UNC13B: variants seen among roughly 807,000 people sequenced by gnomAD.
The protein encoded by UNC13B is protein unc-13 homolog B.
A neutral mutation model predicts 211.0 loss-of-function variants in UNC13B; 144 were observed. That is an observed-to-expected ratio of 0.68 (90% CI 0.60 to 0.78). The LOEUF (loss-of-function observed/expected upper bound fraction) is 0.78, where lower values mean the gene tolerates loss of function less well. Among genes scored for constraint, UNC13B ranks in the 30% least tolerant of loss-of-function variants. UNC13B has a pLI of 0.00. For missense variants in UNC13B, 1,777 were observed against 2,002.0 expected (o/e 0.89, Z 2.14); for synonymous variants, 709 against 725.8 (o/e 0.98, Z 0.37).
chr9:35,384,746 A>T (rs1271630467), intron 22 of UNC13B: 2 of 982,726 alleles, frequency 2.0e-6, no homozygotes, highest in African/African-American at 3.5e-5. Flanking sequence ...GGCTTTTGCA[A>T]GTAATCTGTA....
intron 10 of UNC13B, among the ~76,000 whole-genome samples, chr9:35,312,917 T>G (rs1830251518): frequency 6.6e-6 from 1 of 152,158 alleles, no homozygotes; most frequent in African/African-American, 2.4e-5. Flanking sequence ...GGCTGTGTGT[T>G]TTTTTTCTTT....
intron 11 of UNC13B, chr9:35,342,323 T>C: frequency 2.0e-6 from 2 of 985,760 alleles, no homozygotes; most frequent in Non-Finnish European, 2.4e-6. Flanking sequence ...TCCTTAACCC[T>C]TATTTTGGTT....
rs898763755 is a variant in UNC13B, at chr9:35,180,076, T to C, written c.22+17771T>C. ...AACTCTATTCCAACTGAGGTTTATTTATTTAGAAAACATTTAGAAAGATAC... is the reference window on the plus strand; with the variant it reads ...AACTCTATTCCAACTGAGGTTTATTCATTTAGAAAACATTTAGAAAGATAC... On this transcript the variant is annotated intron_variant, in intron 1 of 39. Coordinates refer to ENST00000635942, the MANE Select transcript of UNC13B (RefSeq NM_001371189.2). 3.3e-5 allele frequency among the ~76,000 whole-genome samples: 5 copies of C among 152,340 alleles called. No individual in the cohort carries two copies. The South Asian group carries it at 1.0e-3, about 32-fold the overall frequency.
intron 9 of UNC13B, among the ~76,000 whole-genome samples, chr9:35,309,886 A>G (rs1830102436): frequency 6.6e-6 from 1 of 152,186 alleles, no homozygotes; most frequent in Non-Finnish European, 1.5e-5. Flanking sequence ...CCTGGCCTCT[A>G]TCTTCCAATG....
intron 11 of UNC13B, among the ~76,000 whole-genome samples, chr9:35,315,144 G>T (rs1830388363): frequency 1.4e-5 from 2 of 144,560 alleles, no homozygotes; most frequent in Non-Finnish European, 3.0e-5. Flanking sequence ...CTCCCACTTT[G>T]GCCTTCCAAA....
intron 23 of UNC13B, 112 bp from the exon 24 acceptor site, chr9:35,386,053 A>C: frequency 6.6e-7 from 1 of 1,522,018 alleles, no homozygotes; most frequent in South Asian, 1.3e-5. Flanking sequence ...GGAAAAGTCT[A>C]GGGACCCAGA....
At chr9:35,235,329 G>C (rs887029609) in intron 3 of UNC13B, among the ~76,000 whole-genome samples, 2 of 152,136 alleles carry the variant, frequency 1.3e-5, no homozygotes, top group Admixed American at 1.3e-4. Flanking sequence ...GGACTGAGTG[G>C]TGTGAACTAG....
chr9:35,224,481 T>A (rs1184869997), intron 1 of UNC13B, among the ~76,000 whole-genome samples: 1 of 152,222 alleles, frequency 6.6e-6, no homozygotes, highest in Non-Finnish European at 1.5e-5. Context: ...GATTTTGTAT[T>A]ATGCAACTTT....
chr9:35,236,303 T>C (rs1456846348), intron 3 of UNC13B, among the ~76,000 whole-genome samples, 166 bp from the exon 4 acceptor site: 2 of 152,232 alleles, frequency 1.3e-5, no homozygotes, highest in Non-Finnish European at 2.9e-5. Flanking sequence ...ATACCTATTA[T>C]AGGTTTCTTG....
At chr9:35,399,780 C>T (rs1393171170) in intron 36 of UNC13B, 51 bp downstream of exon 36, 1 of 1,580,980 alleles carries the variant, frequency 6.3e-7, no homozygotes, top group African/African-American at 1.3e-5. Flanking sequence ...CTCACTTGGC[C>T]CTGGCATTCC....
At chr9:35,339,935 G>GCCA (rs1383604419) in intron 11 of UNC13B, among the ~76,000 whole-genome samples, 5 of 152,358 alleles carry the variant, frequency 3.3e-5, no homozygotes, top group Admixed American at 1.3e-4. Context: ...GAAAGTTTGA[G>GCCA]CTTCTCCTTA....
At chr9:35,350,800 A>G (rs72725033) in intron 11 of UNC13B, among the ~76,000 whole-genome samples, 2 of 152,384 alleles carry the variant, frequency 1.3e-5, no homozygotes, top group African/African-American at 2.4e-5. Flanking sequence ...ACTTTGTGCT[A>G]TAAGCACAGG....
At chr9:35,203,606 A>C (rs1479590138) in intron 1 of UNC13B, among the ~76,000 whole-genome samples, 1 of 152,040 alleles carries the variant, frequency 6.6e-6, no homozygotes, top group Admixed American at 6.6e-5. Flanking sequence ...CCTTCATTTC[A>C]ACAGGATCTG....
rs1824992888 is a variant in UNC13B, at chr9:35,228,498, C to T, written c.52+454C>T. ...CTATCCCTCCCCCCGTCCCCCACCC[C>T]ACGACAGGCCCCAGTGTGTAGTGGA... On this transcript the variant is annotated intron_variant, in intron 2 of 39. Coordinates refer to ENST00000635942, the MANE Select transcript of UNC13B (RefSeq NM_001371189.2). 2.0e-5 allele frequency among the ~76,000 whole-genome samples: 3 copies of T among 151,970 alleles called. No homozygotes were observed. The South Asian group carries it at 6.3e-4, about 32-fold the overall frequency.
intron 8 of UNC13B, 33 bp from the exon 9 acceptor site, chr9:35,300,133 T>C (rs776802990): frequency 2.3e-5 from 9 of 398,474 alleles, no homozygotes; most frequent in Non-Finnish European, 3.5e-5. Context: ...AATTCTCTAC[T>C]GAGTTTAAGG....
intron 7 of UNC13B, among the ~76,000 whole-genome samples, chr9:35,264,512 A>G (rs1827459671): frequency 1.3e-5 from 2 of 152,190 alleles, no homozygotes; most frequent in African/African-American, 4.8e-5. Context: ...GCTTGTAGTA[A>G]AATGCAAGAG....
intron 6 of UNC13B, among the ~76,000 whole-genome samples, chr9:35,248,139 C>T (rs1326876098): frequency 5.9e-5 from 9 of 152,222 alleles, no homozygotes; most frequent in Middle Eastern, 3.4e-3. Flanking sequence ...AGTTTATTTG[C>T]GTAGAGGTGT....
chr9:35,383,542 T>G (rs1033898647), intron 21 of UNC13B, among the ~76,000 whole-genome samples: 7 of 152,218 alleles, frequency 4.6e-5, no homozygotes, highest in Non-Finnish European at 7.3e-5. Context: ...CATCTCATTA[T>G]GTATTGACTT....
At chr9:35,399,751 G>A (rs369485175) in intron 36 of UNC13B, 22 bp downstream of exon 36, 98 of 1,613,280 alleles carry the variant, frequency 6.1e-5, no homozygotes, top group Admixed American at 3.3e-4. Flanking sequence ...CCCTTTTTCA[G>A]ACAGTCTTAA....
Sources: gnomAD v4.1 joint callset for allele counts (sites outside exome capture counted in the v4.1 genomes callset) on GRCh38, gnomAD v4.1.1 for gene constraint, MANE v1.5 for transcripts, NCBI Gene and HGNC (gene_info 2026-07-23, HGNC 2026-07-21) for gene names.